Variants in CLASP2 observed in about 807,000 individuals in gnomAD.
The protein encoded by CLASP2 is cytoplasmic linker associated protein 2, also known as CLIP-associating protein 2.
Under a neutral mutation model 194.4 loss-of-function variants are expected in CLASP2, and 47 were observed. The observed-to-expected ratio is 0.24, with a 90% CI of 0.19 to 0.31. CLASP2 has a LOEUF of 0.31. Ranked by LOEUF, CLASP2 falls within the 10% of genes least tolerant of loss-of-function variation. The probability of loss-of-function intolerance (pLI) is 1.00; values close to 1 mark genes in which losing one functional copy is unlikely to be tolerated. For missense variants in CLASP2, 1,445 were observed against 1,823.6 expected (o/e 0.79, Z 3.78); for synonymous variants, 619 against 633.5 (o/e 0.98, Z 0.34).
intron 26 of CLASP2, among the ~76,000 whole-genome samples, chr3:33,567,884 A>G (rs1441155837): frequency 6.6e-6 from 1 of 152,158 alleles, no homozygotes; most frequent in Non-Finnish European, 1.5e-5. Context: ...TAATGTCCAA[A>G]CAAAGCCTAC....
chr3:33,636,242 G>C (rs988073943), intron 8 of CLASP2, among the ~76,000 whole-genome samples: 2 of 152,110 alleles, frequency 1.3e-5, no homozygotes, highest in Middle Eastern at 3.4e-3. Context: ...AACAGAAGAG[G>C]GCCCTCTTAA....
intron 6 of CLASP2, among the ~76,000 whole-genome samples, chr3:33,680,717 G>A (rs1280817296): frequency 6.6e-6 from 1 of 151,800 alleles, no homozygotes; most frequent in African/African-American, 2.4e-5. Context: ...AGGCTGAAGT[G>A]GGAGGATTGC....
At chr3:33,668,509 T>A (rs1389865563) in intron 6 of CLASP2, among the ~76,000 whole-genome samples, 1 of 152,170 alleles carries the variant, frequency 6.6e-6, no homozygotes, top group Non-Finnish European at 1.5e-5. Context: ...CTTGAGAATA[T>A]ATGGTAGTGG....
chr3:33,606,772 A>T lies in CLASP2; in HGVS notation c.1527-14T>A. On this transcript the variant is annotated splice_polypyrimidine_tract_variant and intron_variant, in intron 15 of 38. Transcript: ENST00000682230. The stretch of plus-strand genomic sequence containing the variant: ...CCCATGTATGTCCTGTTAAAAAAAA[A>T]GAAAAGCAGATGAAGTAATAGCTTT... 6.3e-7 allele frequency: 1 copy of T among 1,574,858 alleles called. No homozygotes were observed.
At chr3:33,567,777 T>A (rs183709708) in intron 26 of CLASP2, among the ~76,000 whole-genome samples, 36 of 152,302 alleles carry the variant, frequency 2.4e-4, no homozygotes, top group African/African-American at 8.4e-4. Context: ...AGCTCCACTA[T>A]CCATACCTGT....
At chr3:33,701,053 A>G (rs1213272933) in intron 1 of CLASP2, among the ~76,000 whole-genome samples, 1 of 152,222 alleles carries the variant, frequency 6.6e-6, no homozygotes, top group East Asian at 1.9e-4. Context: ...AATGGTATAT[A>G]CACACATACA....
At chr3:33,517,763 T>C (rs976303773) in intron 34 of CLASP2, among the ~76,000 whole-genome samples, 3 of 152,064 alleles carry the variant, frequency 2.0e-5, no homozygotes, top group African/African-American at 4.8e-5. Flanking sequence ...CCAGGCTCAA[T>C]TGATCCTCCC....
chr3:33,693,221 T>C (rs939133671), intron 2 of CLASP2, among the ~76,000 whole-genome samples: 22 of 152,250 alleles, frequency 1.4e-4, no homozygotes, highest in Admixed American at 9.2e-4. Context: ...ATAGAGCTCA[T>C]ACTCTTTTTG....
intron 30 of CLASP2, among the ~76,000 whole-genome samples, chr3:33,545,477 C>T (rs1453058729): frequency 1.3e-5 from 2 of 152,176 alleles, no homozygotes; most frequent in Non-Finnish European, 1.5e-5. Context: ...ATGAAAAATA[C>T]ACCTGAATAT....
chr3:33,681,227 TTC>T (rs1265873610), intron 6 of CLASP2, among the ~76,000 whole-genome samples: 1 of 152,114 alleles, frequency 6.6e-6, no homozygotes, highest in Non-Finnish European at 1.5e-5. Flanking sequence ...TTAACATCAC[TTC>T]TTTCTTTCAT....
In CLASP2 at chr3:33,636,328, T is replaced by C. The variant is rs370802864; in HGVS notation, c.863-3957A>G. On this transcript the variant is annotated intron_variant, in intron 8 of 38. Transcript: ENST00000682230. ...TTACTTGAGGTCTATGAAAATCCAATATATCATCATAAACAAAATAATCTG... is the reference window on the plus strand; with the variant it reads ...TTACTTGAGGTCTATGAAAATCCAACATATCATCATAAACAAAATAATCTG... Among the ~76,000 whole-genome samples the C allele has an allele frequency of 3.7e-4, 57 of 152,144 alleles. 1 individual carries two copies. In the South Asian group the frequency reaches 0.011, roughly 29 times the overall value.
chr3:33,612,350 G>C (rs1408195172), intron 12 of CLASP2, among the ~76,000 whole-genome samples: 2 of 152,134 alleles, frequency 1.3e-5, no homozygotes, highest in Non-Finnish European at 2.9e-5. Flanking sequence ...TATAGTTTTG[G>C]GGGAGAGGGA....
intron 8 of CLASP2, 79 bp from the exon 9 acceptor site, chr3:33,632,450 C>G (rs2079259487): frequency 2.0e-6 from 2 of 977,498 alleles, no homozygotes; most frequent in South Asian, 3.4e-5. Flanking sequence ...AAAAATAAAA[C>G]TCTTTTGATA....
chr3:33,507,128 C>T (rs1232254666), intron 37 of CLASP2, among the ~76,000 whole-genome samples: 5 of 151,982 alleles, frequency 3.3e-5, no homozygotes, highest in African/African-American at 4.8e-5. Flanking sequence ...TTACTAGAGA[C>T]GGGGTTTCAC....
chr3:33,509,847 T>C (rs2049266469), intron 37 of CLASP2, among the ~76,000 whole-genome samples: 1 of 152,204 alleles, frequency 6.6e-6, no homozygotes, highest in Non-Finnish European at 1.5e-5. Flanking sequence ...ATTACATCTA[T>C]GACTATAAAT....
intron 23 of CLASP2, among the ~76,000 whole-genome samples, chr3:33,576,607 C>T (rs909909727): frequency 2.6e-5 from 4 of 152,130 alleles, no homozygotes; most frequent in South Asian, 4.1e-4. Flanking sequence ...ATCATCCATA[C>T]GGCTGAATCA....
rs563954137 is a variant in CLASP2 at position 33,717,843 on chromosome 3, C to T, written c.160G>A (p.Ala54Thr). ...CTCGAACCCACCCAGCCGGTGAGCGCGTCGACTGTCTTGCCTAGGCGGCCC... is the reference window on the plus strand; with the variant it reads ...CTCGAACCCACCCAGCCGGTGAGCGTGTCGACTGTCTTGCCTAGGCGGCCC... The part of the protein sequence containing the change: ...DLGRLGKTVD[A>T]LTGWVGSSNY... The change falls in exon 1 of 39, where the codon GCG becomes ACG. Residue 54 changes from alanine to threonine, a missense_variant. Ala to Thr is a moderately conservative substitution (Grantham distance 58). This residue lies in a region of CLASP2 where 332 missense variants were observed against 325.3 expected (regional missense o/e 1.02). Transcript: ENST00000682230. 5.8e-5 allele frequency: 91 copies of T among 1,564,606 alleles called. No individual in the cohort carries two copies. In the South Asian group the frequency reaches 8.9e-4, roughly 15 times the overall value.
At chr3:33,527,809 A>G (rs765111386) in intron 34 of CLASP2, among the ~76,000 whole-genome samples, 1 of 152,082 alleles carries the variant, frequency 6.6e-6, no homozygotes, top group East Asian at 1.9e-4. Flanking sequence ...TAAAAATACA[A>G]AAAATTAGCC....
At chr3:33,566,518 T>C (rs952401238) in intron 27 of CLASP2, among the ~76,000 whole-genome samples, 1 of 152,194 alleles carries the variant, frequency 6.6e-6, no homozygotes, top group East Asian at 1.9e-4. Context: ...AGTCATCAAA[T>C]AGAACAGAAG....
Sources: gnomAD v4.1 joint callset for allele counts (sites outside exome capture counted in the v4.1 genomes callset) on GRCh38, gnomAD v4.1.1 for gene constraint, gnomAD v4.1.1 regional missense constraint, MANE v1.5 for transcripts, NCBI Gene and HGNC (gene_info 2026-07-23, HGNC 2026-07-21) for gene names.